The following TBCD variants were observed in gnomAD, a reference collection of about 807,000 sequenced individuals.
TBCD encodes tubulin folding cofactor D, also known as tubulin-specific chaperone D.
A neutral mutation model predicts 169.3 loss-of-function variants in TBCD; 105 were observed. The observed-to-expected ratio is 0.62, with a 90% CI of 0.53 to 0.73. TBCD has a LOEUF of 0.73. Ranked by LOEUF, TBCD falls within the 30% of genes least tolerant of loss-of-function variation. The pLI is 0.00. For synonymous variants in TBCD, 700 were observed against 643.9 expected, an observed-to-expected ratio of 1.09 and a Z score of -1.32; for missense variants, 1,444 against 1,600.1, an observed-to-expected ratio of 0.90 and a Z score of 1.66.
chr17:82,775,611 A>G (rs956625471), intron 6 of TBCD, among the ~76,000 whole-genome samples: 3 of 151,536 alleles, frequency 2.0e-5, no homozygotes, highest in Non-Finnish European at 4.4e-5. Flanking sequence ...GTCTCCCTTG[A>G]TTAACTGAGC....
In TBCD at chr17:82,821,644, G is replaced by A. The variant is rs139175822; in HGVS notation, c.1318+6710G>A. Among the ~76,000 whole-genome samples, 214 of 152,294 alleles carry A rather than the reference G, an allele frequency of 1.4e-3. 9 individuals are homozygous for A. In the East Asian group the frequency reaches 0.034, roughly 24 times the overall value. On this transcript the variant is annotated intron_variant, in intron 13 of 38. Coordinates refer to ENST00000355528, the MANE Select transcript of TBCD (RefSeq NM_005993.5). ...AGGAGGCCTACCCCTTCCCCCAGAAGGTGCAGTCTGTCACCCCATGTCTTA... is the reference window on the plus strand; with the variant it reads ...AGGAGGCCTACCCCTTCCCCCAGAAAGTGCAGTCTGTCACCCCATGTCTTA...
chr17:82,935,256 G>A (rs1279029867), intron 34 of TBCD, among the ~76,000 whole-genome samples: 2 of 152,100 alleles, frequency 1.3e-5, no homozygotes, highest in Non-Finnish European at 1.5e-5. Flanking sequence ...CTCATTCTTT[G>A]TCTTGCTTCA....
intron 13 of TBCD, chr17:82,830,463 C>T (rs910917505): frequency 3.7e-6 from 6 of 1,612,664 alleles, no homozygotes; most frequent in East Asian, 2.2e-5. Context: ...CGTCTGGAGC[C>T]TCCTCGCCGG....
At chr17:82,795,459 C>G in intron 7 of TBCD, 1 of 880,816 alleles carries the variant, frequency 1.1e-6, no homozygotes, top group Non-Finnish European at 1.4e-6. Context: ...TGGCCTTTCC[C>G]ACTGGGGTTT....
chr17:82,856,727 C>T (rs149276757), intron 13 of TBCD, among the ~76,000 whole-genome samples: 277 of 149,036 alleles, frequency 1.9e-3, no homozygotes, highest in African/African-American at 6.7e-3. Context: ...AGGGCGGGAT[C>T]GCTGGACCGC....
chr17:82,925,741 A>G (rs983720069), intron 27 of TBCD, among the ~76,000 whole-genome samples: 3 of 152,210 alleles, frequency 2.0e-5, no homozygotes, highest in Non-Finnish European at 2.9e-5. Context: ...TCCAGTTGAA[A>G]CACAGATAAA....
chr17:82,894,725 C>T (rs2059366113), intron 17 of TBCD, among the ~76,000 whole-genome samples: 1 of 152,202 alleles, frequency 6.6e-6, no homozygotes, highest in African/African-American at 2.4e-5. Flanking sequence ...GTGGCTCATG[C>T]CTGTAATCCC....
chr17:82,937,334 C>T lies in TBCD; in HGVS notation c.3255C>T (p.Ile1085=), dbSNP rs1038552348. Residue 1085 remains isoleucine, a synonymous_variant, in exon 35 of 39, where the codon ATC becomes ATT. Transcript: ENST00000355528. ...AAGAAATCAAGAATTCAAAAGATAT[C>T]CAGAAGCTCCTGTCAGGCATCGCAG... ...CKKEIKNSKD[I]QKLLSGIAVF... The T allele has an allele frequency of 6.2e-7, 1 of 1,613,966 alleles. No individual in the cohort carries two copies. Among genetic ancestry groups the T allele is most frequent in the Non-Finnish European group, 8.5e-7 (1 of 1,179,878 alleles).
In TBCD at chr17:82,930,303, C is replaced by A; in HGVS notation, c.2992-219C>A. The stretch of plus-strand genomic sequence containing the variant: ...CGCATGTCCTAAGTGAGGGCTCAGG[C>A]TGAGCTGCCGTTGCCGAGAGCCTTG... On this transcript the variant is annotated intron_variant, in intron 32 of 38. Coordinates refer to ENST00000355528, the MANE Select transcript of TBCD (RefSeq NM_005993.5). The surrounding 1 kb of genome is among the most constrained non-coding windows in gnomAD (Gnocchi z 5.2). The A allele has an allele frequency of 1.7e-6, 1 of 594,916 alleles. No individual in the cohort carries two copies. Among genetic ancestry groups the A allele is most frequent in the Non-Finnish European group, 2.9e-6 (1 of 346,910 alleles). The allele number at this position is 594,916 out of a possible 1,614,324, so 36.9% of individuals were successfully genotyped here.
At chr17:82,755,319 A>G (rs1212863455) in intron 1 of TBCD, among the ~76,000 whole-genome samples, 2 of 152,244 alleles carry the variant, frequency 1.3e-5, no homozygotes, top group Non-Finnish European at 2.9e-5. Context: ...CTAAAAAGGT[A>G]CCAGACTTAG....
intron 13 of TBCD, among the ~76,000 whole-genome samples, chr17:82,855,235 C>CTTTTTTT (rs58346723): frequency 1.7e-4 from 9 of 54,034 alleles, no homozygotes; most frequent in African/African-American, 5.2e-4. Flanking sequence ...AAGGTGTTTG[C>CTTTTTTT]TTTTTTTTTT....
intron 23 of TBCD, among the ~76,000 whole-genome samples, chr17:82,916,394 G>A (rs896641402): frequency 1.3e-5 from 2 of 152,126 alleles, no homozygotes; most frequent in South Asian, 2.1e-4. Flanking sequence ...ACAGGCATGC[G>A]CCACCGTGGC....
intron 12 of TBCD, among the ~76,000 whole-genome samples, chr17:82,810,702 C>T (rs74002516): frequency 0.095 from 14,435 of 152,226 alleles, 1,842 homozygotes; most frequent in African/African-American, 0.29. Context: ...GTTTCAGAAG[C>T]GGAGGGTCGA....
intron 13 of TBCD, among the ~76,000 whole-genome samples, chr17:82,869,431 G>T (rs538320642): frequency 6.6e-6 from 1 of 152,250 alleles, no homozygotes; most frequent in Middle Eastern, 3.4e-3. Context: ...GAGGAGGGAG[G>T]ATCGCTTGAG....
At chr17:82,759,253 C>T (rs992973563) in intron 2 of TBCD, among the ~76,000 whole-genome samples, 23 of 151,886 alleles carry the variant, frequency 1.5e-4, no homozygotes, top group Admixed American at 1.3e-3. Flanking sequence ...GAGGCCGAGG[C>T]GGGTGGATTA....
intron 14 of TBCD, among the ~76,000 whole-genome samples, chr17:82,876,607 T>C (rs1373131053): frequency 1.3e-5 from 2 of 152,236 alleles, no homozygotes; most frequent in Admixed American, 1.3e-4. Flanking sequence ...TTTTAATAAA[T>C]GTCCAAATCA....
chr17:82,787,588 C>T (rs114486267), intron 7 of TBCD, among the ~76,000 whole-genome samples: 1,525 of 152,286 alleles, frequency 0.01, 21 homozygotes, highest in African/African-American at 0.035. Flanking sequence ...AGGCAGAGGC[C>T]GGGCGCCTGC....
intron 14 of TBCD, among the ~76,000 whole-genome samples, chr17:82,873,946 A>G (rs2146046384): frequency 6.6e-6 from 1 of 152,172 alleles, no homozygotes; most frequent in East Asian, 1.9e-4. Context: ...CTCCAGGGTC[A>G]TCTTTCTCAC....
intron 21 of TBCD, among the ~76,000 whole-genome samples, chr17:82,908,634 T>C (rs2060411140): frequency 6.6e-6 from 1 of 152,258 alleles, no homozygotes; most frequent in African/African-American, 2.4e-5. Context: ...TTTTCACTTT[T>C]AATGTGGTGT....
Sources: gnomAD v4.1 joint callset for allele counts (sites outside exome capture counted in the v4.1 genomes callset) on GRCh38, gnomAD v4.1.1 for gene constraint, Gnocchi (gnomAD v3.1) non-coding constraint, MANE v1.5 for transcripts, NCBI Gene and HGNC (gene_info 2026-07-23, HGNC 2026-07-21) for gene names.